The following LRRC7 variants were observed in gnomAD, a reference collection of about 807,000 sequenced individuals.
The protein encoded by LRRC7 is leucine rich repeat containing 7.
LRRC7 carries 23 observed loss-of-function variants against 175.7 expected under a neutral mutation model. That is an observed-to-expected ratio of 0.13 (90% CI 0.09 to 0.19). The LOEUF (loss-of-function observed/expected upper bound fraction) is 0.19. Among genes scored for constraint, LRRC7 ranks in the 10% least tolerant of loss-of-function variants. The probability of loss-of-function intolerance (pLI) is 1.00; values close to 1 mark genes in which losing one functional copy is unlikely to be tolerated. For synonymous variants in LRRC7, 685 were observed against 680.9 expected (o/e 1.01, Z -0.09); for missense variants, 1,354 against 1,904.7 (o/e 0.71, Z 5.38).
intron 1 of LRRC7, among the ~76,000 whole-genome samples, chr1:69,612,993 T>C (rs911754209): frequency 1.6e-4 from 24 of 152,144 alleles, no homozygotes; most frequent in African/African-American, 5.5e-4. Context: ...TTTTTCTCAC[T>C]CCTTCACTTT....
chr1:70,137,761 A>G lies in LRRC7; in HGVS notation c.*15874A>G, dbSNP rs946000467. Among the ~76,000 whole-genome samples the G allele has an allele frequency of 2.0e-5, 3 of 152,264 alleles. No homozygotes were observed. The highest frequency in any genetic ancestry group is 2.9e-5 in the Non-Finnish European group (2 of 68,036). On this transcript the variant is annotated 3_prime_UTR_variant, in exon 27 of 27. Coordinates refer to ENST00000651989, the MANE Select transcript of LRRC7 (RefSeq NM_001370785.2). ...ATGGCCTATCCAGCCAGAGCCTTCA[A>G]TTAAGAGTTCTCCAATGTTGACAAT...
At chr1:69,686,550 C>T (rs910463085) in intron 2 of LRRC7, among the ~76,000 whole-genome samples, 4 of 151,930 alleles carry the variant, frequency 2.6e-5, no homozygotes, top group African/African-American at 7.3e-5. Flanking sequence ...TGATAAGTTA[C>T]GTATATTGTA....
intron 2 of LRRC7, among the ~76,000 whole-genome samples, chr1:69,720,279 A>G (rs1380987980): frequency 1.3e-5 from 2 of 151,454 alleles, no homozygotes; most frequent in African/African-American, 4.8e-5. Flanking sequence ...ATGCATTCTT[A>G]TACTGTTCTT....
chr1:69,852,450 A>G (rs1040741202), intron 7 of LRRC7, among the ~76,000 whole-genome samples: 1 of 152,150 alleles, frequency 6.6e-6, no homozygotes, highest in Non-Finnish European at 1.5e-5. Context: ...TTCTTATACA[A>G]CATCTGGCTC....
intron 8 of LRRC7, among the ~76,000 whole-genome samples, chr1:69,963,950 C>T (rs759970136): frequency 1.1e-4 from 17 of 152,220 alleles, no homozygotes; most frequent in Non-Finnish European, 2.4e-4. Flanking sequence ...AATCATTGAA[C>T]GAAATAAGGT....
chr1:70,020,986 C>G lies in LRRC7; in HGVS notation c.1421-19C>G. 2 of 1,586,584 alleles carry G rather than the reference C, an allele frequency of 1.3e-6. No homozygotes were observed. The highest frequency in any genetic ancestry group is 1.2e-5 in the South Asian group (1 of 85,930). ...ATTGTTTTTTAAAAAAACAATAATA[C>G]TTTGGAATCTAACTGTAGATTTCCA... On this transcript the variant is annotated intron_variant, in intron 15 of 26. Coordinates refer to ENST00000651989, the MANE Select transcript of LRRC7 (RefSeq NM_001370785.2).
chr1:69,878,079 A>G (rs1405004837), intron 7 of LRRC7, among the ~76,000 whole-genome samples: 9 of 152,170 alleles, frequency 5.9e-5, no homozygotes, highest in Admixed American at 5.2e-4. Context: ...AAACAAGTCA[A>G]GATATTTTAA....
intron 16 of LRRC7, chr1:70,022,334 C>T (rs1391103754): frequency 1.3e-5 from 2 of 152,052 alleles, no homozygotes; most frequent in African/African-American, 2.4e-5. Flanking sequence ...CATTCTATAC[C>T]GGACTTCTGA....
At chr1:69,912,890 A>G (rs1342904759) in intron 7 of LRRC7, among the ~76,000 whole-genome samples, 1 of 152,214 alleles carries the variant, frequency 6.6e-6, no homozygotes, top group Non-Finnish European at 1.5e-5. Flanking sequence ...TTTTTAACAA[A>G]TATACCTTAC....
chr1:69,848,712 T>C (rs1682642959), intron 7 of LRRC7, among the ~76,000 whole-genome samples: 1 of 152,022 alleles, frequency 6.6e-6, no homozygotes, highest in South Asian at 2.1e-4. Flanking sequence ...AAATACATCT[T>C]TAAAAAGCTC....
At chr1:69,881,204 A>G (rs1051736421) in intron 7 of LRRC7, among the ~76,000 whole-genome samples, 12 of 152,206 alleles carry the variant, frequency 7.9e-5, no homozygotes, top group Non-Finnish European at 1.8e-4. Context: ...GCAAAGTTAG[A>G]TTTGTTAAAT....
chr1:69,891,143 A>G (rs1645821666), intron 7 of LRRC7, among the ~76,000 whole-genome samples: 1 of 152,162 alleles, frequency 6.6e-6, no homozygotes, highest in South Asian at 2.1e-4. Flanking sequence ...CTTTTGGTTG[A>G]CTCCAGCTTC....
In LRRC7 at chr1:70,039,270, G is replaced by C; in HGVS notation, c.3446G>C (p.Gly1149Ala). 6.2e-7 allele frequency: 1 copy of C among 1,614,098 alleles called. No individual in the cohort carries two copies. The highest frequency in any genetic ancestry group is 1.7e-5 in the Admixed American group (1 of 60,024). Residue 1149 changes from glycine (G) to alanine (A), a missense_variant, in exon 21 of 27, where the codon GGC (glycine) becomes GCC (alanine). Physicochemically the swap from Gly to Ala is moderately conservative, Grantham distance 60. Around this residue, in one of 4 missense-constraint regions of LRRC7, gnomAD observed 1,032 missense variants for 1,227.2 expected, o/e 0.84. Coordinates refer to ENST00000651989, the MANE Select transcript of LRRC7 (RefSeq NM_001370785.2). ...TTCGCAAGCCAAGGGGCCAGGGCGG[G>C]CTTCCTGAGAAGGGCCGACTCCCTG... Reference protein sequence around the residue: ...AQFASQGARAGFLRRADSLVS... With the variant: ...AQFASQGARAAFLRRADSLVS...
chr1:69,964,666 T>G (rs1177852172), intron 8 of LRRC7, among the ~76,000 whole-genome samples: 1 of 152,228 alleles, frequency 6.6e-6, no homozygotes, highest in Non-Finnish European at 1.5e-5. Flanking sequence ...ACAGATCTAA[T>G]TGGGAAAAAG....
chr1:69,850,081 T>C (rs548509227), intron 7 of LRRC7, among the ~76,000 whole-genome samples: 16 of 152,020 alleles, frequency 1.1e-4, no homozygotes, highest in Non-Finnish European at 2.2e-4. Flanking sequence ...GTTGGTTTTT[T>C]TGTCGTTGTT....
chr1:69,738,543 A>T (rs1037787137), intron 2 of LRRC7, among the ~76,000 whole-genome samples: 3 of 152,012 alleles, frequency 2.0e-5, no homozygotes, highest in African/African-American at 7.2e-5. Flanking sequence ...CTTTTAGAAA[A>T]ATTGCCTTTG....
intron 2 of LRRC7, among the ~76,000 whole-genome samples, chr1:69,686,007 G>T (rs1304502405): frequency 6.6e-6 from 1 of 151,312 alleles, no homozygotes; most frequent in East Asian, 1.9e-4. Flanking sequence ...TACATATAAA[G>T]GAACAGAAAT....
intron 2 of LRRC7, among the ~76,000 whole-genome samples, chr1:69,742,233 C>A (rs1668790639): frequency 6.6e-6 from 1 of 151,874 alleles, no homozygotes; most frequent in African/African-American, 2.4e-5. Context: ...TATTATTTTA[C>A]ATATGAAAAA....
rs1659366467 is a variant in LRRC7 at position 70,036,852 on chromosome 1, G to C, written c.2288+228G>C. Reference sequence around the variant, plus strand: ...GACATGGTAGGAGTTAACAGGATGAGATGGTAGAACAAAAAATTTAAAAAA... The same window carrying C: ...GACATGGTAGGAGTTAACAGGATGACATGGTAGAACAAAAAATTTAAAAAA... On this transcript the variant is annotated intron_variant, in intron 20 of 26. Coordinates refer to ENST00000651989, the MANE Select transcript of LRRC7 (RefSeq NM_001370785.2). Among the ~76,000 whole-genome samples, 3 of 152,068 alleles carry C rather than the reference G, an allele frequency of 2.0e-5. No homozygotes were observed. The South Asian group carries it at 6.2e-4, about 31-fold the overall frequency.
Sources: allele counts gnomAD v4.1 joint callset (sites outside exome capture counted in the v4.1 genomes callset), GRCh38; gene constraint gnomAD v4.1.1; regional missense constraint gnomAD v4.1.1; transcripts MANE v1.5; gene names NCBI Gene and HGNC (gene_info 2026-07-23, HGNC 2026-07-21).